The following CPZ variants were observed in gnomAD, a reference collection of about 807,000 sequenced individuals.
CPZ encodes the protein carboxypeptidase Z.
In CPZ, 103 loss-of-function variants were observed where a neutral mutation model predicts 61.8. That is an observed-to-expected ratio of 1.67 (90% confidence interval 1.42 to 1.96). CPZ has a LOEUF of 1.96. Ranked by LOEUF, CPZ falls within the 30% of genes most tolerant of loss-of-function variation. CPZ has a pLI of 0.00. For synonymous variants in CPZ, 551 were observed against 373.7 expected (o/e 1.47, Z -5.47); for missense variants, 1,461 against 914.9 (o/e 1.60, Z -7.70).
chr4:8,607,447 T>C (rs1715135114), intron 7 of CPZ, 22 bp downstream of exon 7: 2 of 1,611,942 alleles, frequency 1.2e-6, no homozygotes, highest in East Asian at 2.2e-5. Context: ...GTCGGGTGTG[T>C]GCAGGGGAGG....
Position 8,619,458 on chromosome 4 carries a change from C to T in CPZ, c.1800C>T (p.Pro600=), listed in dbSNP as rs1372818034. 1 of 1,612,330 alleles carries T rather than the reference C, an allele frequency of 6.2e-7. No individual in the cohort carries two copies. The highest frequency in any genetic ancestry group is 8.5e-7 in the Non-Finnish European group (1 of 1,178,928). The change falls in exon 11 of 11, where the codon CCC becomes CCT. Residue 600 remains proline, a synonymous_variant. Transcript: ENST00000360986. ...TTCATGGGCTGCGGAGGACTGGGCC[C>T]CACGACCCACTGGGAGGTGCCAGCT... The part of the protein sequence containing the change: ...NFIHGLRRTG[P]HDPLGGASSL...
intron 7 of CPZ, 83 bp from the exon 8 acceptor site, chr4:8,611,944 G>T (rs931711610): frequency 6.3e-7 from 1 of 1,595,864 alleles, no homozygotes; most frequent in Admixed American, 1.7e-5. Flanking sequence ...GTTTGCACGC[G>T]CAGCTCCTCC....
In CPZ at chr4:8,606,076, GCT is replaced by G; in HGVS notation, c.800_801del (p.Ser267Ter). 1 of 1,614,214 alleles carries G rather than the reference GCT, an allele frequency of 6.2e-7. No individual in the cohort carries two copies. The highest frequency in any genetic ancestry group is 8.5e-7 in the Non-Finnish European group (1 of 1,180,036). ...CTCATCTACCTAGCCCAGTACCTGT[GCT>G]CTGAGTACCTGCTTGGTAACCCCCG... On this transcript the variant is annotated frameshift_variant, in exon 5 of 11. Transcript: ENST00000360986. LOFTEE classifies it high-confidence loss of function.
intron 1 of CPZ, among the ~76,000 whole-genome samples, chr4:8,594,042 C>T (rs1577104923): frequency 6.6e-6 from 1 of 152,258 alleles, no homozygotes; most frequent in African/African-American, 2.4e-5. Flanking sequence ...CCTGACCTGC[C>T]CTTTCCCAGG....
intron 9 of CPZ, among the ~76,000 whole-genome samples, chr4:8,614,882 G>A (rs1466889666): frequency 6.6e-6 from 1 of 152,028 alleles, no homozygotes; most frequent in African/African-American, 2.4e-5. Flanking sequence ...AAGGGTAGGA[G>A]AAATCAAACC....
At chr4:8,611,071 CTCATTCATTCGCTCAT>C (rs1029215943) in intron 7 of CPZ, 36 of 360,984 alleles carry the variant, frequency 1.0e-4, no homozygotes, top group Admixed American at 4.7e-4. Context: ...CACTCATTCA[CTCATTCATTCGCTCAT>C]TCACTCACTC....
At chr4:8,603,932 C>G (rs760046497) in intron 3 of CPZ, 44 bp from the exon 4 acceptor site, 1 of 1,567,906 alleles carries the variant, frequency 6.4e-7, no homozygotes, top group Non-Finnish European at 8.8e-7. Flanking sequence ...TGGTAGGAAG[C>G]CTGGGGGCCT....
At chr4:8,607,448 G>A (rs374128798) in intron 7 of CPZ, 23 bp downstream of exon 7, 4 of 1,611,540 alleles carry the variant, frequency 2.5e-6, no homozygotes, top group Non-Finnish European at 3.4e-6. Context: ...TCGGGTGTGT[G>A]CAGGGGAGGG....
At chr4:8,606,935 G>A (rs373838218) in intron 6 of CPZ, 37 bp downstream of exon 6, 4 of 1,550,450 alleles carry the variant, frequency 2.6e-6, no homozygotes, top group Non-Finnish European at 3.5e-6. Flanking sequence ...TCTCCACCAA[G>A]GCATCCAGGG....
At chr4:8,608,151 C>CAGCCCCT (rs1715207910) in intron 7 of CPZ, among the ~76,000 whole-genome samples, 1 of 151,386 alleles carries the variant, frequency 6.6e-6, no homozygotes, top group African/African-American at 2.5e-5. Context: ...CCCCAGCCCC[C>CAGCCCCT]AGCCCCCAGC....
At chr4:8,599,784 CCTTGT>C in intron 2 of CPZ, 1 of 493,384 alleles carries the variant, frequency 2.0e-6, no homozygotes, top group Non-Finnish European at 3.3e-6. Context: ...TGCATTTGGG[CCTTGT>C]CCACATGCAT....
chr4:8,617,712 G>C (rs999087429), intron 9 of CPZ, among the ~76,000 whole-genome samples: 1 of 152,172 alleles, frequency 6.6e-6, no homozygotes, highest in African/African-American at 2.4e-5. Flanking sequence ...TCTCCCCACA[G>C]GCATCCTGGT....
At chr4:8,611,103 C>G in intron 7 of CPZ, 1 of 415,152 alleles carries the variant, frequency 2.4e-6, no homozygotes, top group South Asian at 1.6e-5. Context: ...CACTCACTCA[C>G]TCACTCACTG....
At chr4:8,604,387 C>T (rs1454804506) in intron 4 of CPZ, among the ~76,000 whole-genome samples, 199 bp downstream of exon 4, 3 of 152,226 alleles carry the variant, frequency 2.0e-5, no homozygotes, top group Non-Finnish European at 4.4e-5. Flanking sequence ...TCCAGATATC[C>T]ATCTTACTTC....
chr4:8,612,853 A>G (rs1196143368), intron 8 of CPZ, among the ~76,000 whole-genome samples: 1 of 152,246 alleles, frequency 6.6e-6, no homozygotes, highest in Non-Finnish European at 1.5e-5. Flanking sequence ...CACAGGTGGC[A>G]GAGCCAGGAC....
At chr4:8,605,602 C>CCATCAATCCAGCCAGCTATTATT (rs1714912707) in intron 4 of CPZ, among the ~76,000 whole-genome samples, 1 of 98,578 alleles carries the variant, frequency 1.0e-5, no homozygotes, top group African/African-American at 5.4e-5. Context: ...CATTATTCAT[C>CCATCAATCCAGCCAGCTATTATT]CATCCATCCA....
chr4:8,609,155 C>CCAT (rs1560298011), intron 7 of CPZ, among the ~76,000 whole-genome samples: 14 of 83,714 alleles, frequency 1.7e-4, no homozygotes, highest in Non-Finnish European at 3.5e-4. Context: ...CACCCACTCC[C>CCAT]TCACTCATTC....
At chr4:8,616,786 C>A (rs9283693) in intron 9 of CPZ, among the ~76,000 whole-genome samples, 1 of 152,122 alleles carries the variant, frequency 6.6e-6, no homozygotes, top group Non-Finnish European at 1.5e-5. Context: ...CTCTCCCTCC[C>A]GCTAAATGCG....
chr4:8,605,619 CATCCATCA>C (rs1235367695), intron 4 of CPZ, among the ~76,000 whole-genome samples: 2 of 138,822 alleles, frequency 1.4e-5, no homozygotes, highest in African/African-American at 2.8e-5. Flanking sequence ...TCCATCCATC[CATCCATCA>C]TTGATATATC....
Sources: allele counts gnomAD v4.1 joint callset (sites outside exome capture counted in the v4.1 genomes callset), GRCh38; gene constraint gnomAD v4.1.1; transcripts MANE v1.5; gene names NCBI Gene and HGNC (gene_info 2026-07-23, HGNC 2026-07-21).